LDB2: variants seen among roughly 807,000 people sequenced by gnomAD.
LDB2 encodes the protein LIM domain binding 2, also known as LIM domain-binding protein 2.
A neutral mutation model predicts 44.3 loss-of-function variants in LDB2; 12 were observed. The ratio of observed to expected loss-of-function variants is 0.27; its 90% CI spans 0.17 to 0.44. The LOEUF (loss-of-function observed/expected upper bound fraction) is 0.44, where lower values mean the gene tolerates loss of function less well. Among genes scored for constraint, LDB2 ranks in the 20% least tolerant of loss-of-function variants. The probability of loss-of-function intolerance (pLI) is 1.00; values close to 1 mark genes in which losing one functional copy is unlikely to be tolerated. For missense variants in LDB2, 344 were observed against 473.5 expected (o/e 0.73, Z 2.54); for synonymous variants, 164 against 174.8 (o/e 0.94, Z 0.49).
chr4:16,570,499 A>AAAAAAAAAAAAAAAAAAAAAAAAAAC (rs1746111707), intron 5 of LDB2, among the ~76,000 whole-genome samples: 1 of 144,108 alleles, frequency 6.9e-6, no homozygotes, highest in Non-Finnish European at 1.5e-5. Context: ...AAAAAAAAAA[A>AAAAAAAAAAAAAAAAAAAAAAAAAAC]AAAAAGTTTA....
intron 1 of LDB2, among the ~76,000 whole-genome samples, chr4:16,844,928 A>G: frequency 6.6e-6 from 1 of 152,222 alleles, no homozygotes; most frequent in Admixed American, 6.5e-5. Flanking sequence ...CAAGAGGGAA[A>G]ACTACATCAT....
intron 1 of LDB2, among the ~76,000 whole-genome samples, chr4:16,835,224 A>G (rs1358480504): frequency 6.6e-6 from 1 of 152,196 alleles, no homozygotes; most frequent in African/African-American, 2.4e-5. Context: ...CCGTATAACC[A>G]CTAATCTTAC....
At chr4:16,518,459 C>T (rs535971756) in intron 5 of LDB2, among the ~76,000 whole-genome samples, 6 of 151,540 alleles carry the variant, frequency 4.0e-5, no homozygotes, top group East Asian at 1.9e-4. Context: ...TAGGTCAACG[C>T]GTTGCTCAGA....
At chr4:16,587,267 G>A (rs1257476527) in intron 4 of LDB2, among the ~76,000 whole-genome samples, 1 of 152,154 alleles carries the variant, frequency 6.6e-6, no homozygotes, top group African/African-American at 2.4e-5. Flanking sequence ...TATGTGCCAG[G>A]CATTGTTCTA....
chr4:16,733,919 T>C (rs1177463843), intron 2 of LDB2, among the ~76,000 whole-genome samples: 2 of 152,204 alleles, frequency 1.3e-5, no homozygotes, highest in African/African-American at 2.4e-5. Flanking sequence ...GTAACAGATA[T>C]AATAAATAAA....
intron 1 of LDB2, among the ~76,000 whole-genome samples, chr4:16,818,104 G>A (rs1781279335): frequency 6.6e-6 from 1 of 152,152 alleles, no homozygotes; most frequent in Admixed American, 6.5e-5. Flanking sequence ...CAGTCCTTGA[G>A]ACTCTCCACA....
intron 1 of LDB2, among the ~76,000 whole-genome samples, chr4:16,874,077 C>T (rs1046288258): frequency 2.6e-5 from 4 of 151,998 alleles, no homozygotes; most frequent in Non-Finnish European, 5.9e-5. Context: ...GTTACTTCTG[C>T]TTTTTGACTG....
intron 1 of LDB2, among the ~76,000 whole-genome samples, chr4:16,865,398 A>C (rs78563941): frequency 0.015 from 2,312 of 152,258 alleles, 56 homozygotes; most frequent in African/African-American, 0.053. Flanking sequence ...AGGAAAAATA[A>C]GCATGGGAAC....
chr4:16,821,847 G>A (rs1195126536), intron 1 of LDB2, among the ~76,000 whole-genome samples: 1 of 150,072 alleles, frequency 6.7e-6, no homozygotes, highest in Non-Finnish European at 1.5e-5. Flanking sequence ...TGAAACTAGT[G>A]GCCTCTATGA....
At position 16,504,168 on chromosome 4, in the gene LDB2, G is replaced by A. The variant is rs565607440; in HGVS notation, c.892-1295C>T. Among the ~76,000 whole-genome samples the A allele has an allele frequency of 3.3e-5, 5 of 152,116 alleles. No individual in the cohort carries two copies. In the South Asian group the frequency reaches 6.2e-4, roughly 19 times the overall value. On this transcript the variant is annotated intron_variant, in intron 7 of 7. Transcript: ENST00000304523. ...ATTCAATAAAATATTTTGACAACTG[G>A]GCAGAAATTCATTTTACTAGAGCTT...
intron 1 of LDB2, among the ~76,000 whole-genome samples, chr4:16,832,998 TCATA>T (rs1268067029): frequency 6.6e-6 from 1 of 152,234 alleles, no homozygotes; most frequent in Non-Finnish European, 1.5e-5. Flanking sequence ...CCTATTTTAC[TCATA>T]AGGAAACAAA....
intron 2 of LDB2, among the ~76,000 whole-genome samples, chr4:16,600,557 G>A (rs1722302556): frequency 6.6e-6 from 1 of 152,276 alleles, no homozygotes; most frequent in Non-Finnish European, 1.5e-5. Flanking sequence ...TTCAGGTGTT[G>A]AAATGTGTAT....
At chr4:16,879,489 T>C (rs1383119632) in intron 1 of LDB2, among the ~76,000 whole-genome samples, 1 of 152,216 alleles carries the variant, frequency 6.6e-6, no homozygotes, top group Non-Finnish European at 1.5e-5. Context: ...TATAGAAGGC[T>C]TGAATAGAAC....
intron 5 of LDB2, among the ~76,000 whole-genome samples, chr4:16,560,768 A>G (rs193277224): frequency 3.0e-4 from 46 of 152,338 alleles, no homozygotes; most frequent in African/African-American, 1.1e-3. Flanking sequence ...CAACCAAAAA[A>G]GAGAATTTTA....
At chr4:16,800,480 CAT>C (rs1777580567) in intron 1 of LDB2, among the ~76,000 whole-genome samples, 1 of 152,202 alleles carries the variant, frequency 6.6e-6, no homozygotes, top group African/African-American at 2.4e-5. Context: ...AAATATTTGA[CAT>C]GTGTTCATTT....
At chr4:16,862,047 G>A (rs1458428407) in intron 1 of LDB2, among the ~76,000 whole-genome samples, 3 of 152,086 alleles carry the variant, frequency 2.0e-5, no homozygotes, top group Non-Finnish European at 1.5e-5. Context: ...ACAAGGTTGT[G>A]AGAAATAAAG....
intron 2 of LDB2, among the ~76,000 whole-genome samples, chr4:16,677,097 C>T (rs969879681): frequency 6.6e-6 from 1 of 152,124 alleles, no homozygotes; most frequent in Non-Finnish European, 1.5e-5. Context: ...GAGAGAATAG[C>T]GCCTATGTGT....
At chr4:16,829,099 T>C (rs184525722) in intron 1 of LDB2, among the ~76,000 whole-genome samples, 1 of 152,312 alleles carries the variant, frequency 6.6e-6, no homozygotes. Context: ...ATTGCTTCCT[T>C]ACTCATGCTA....
chr4:16,763,439 TACACACACACACACACAC>T (rs56114847), intron 1 of LDB2, among the ~76,000 whole-genome samples: 5 of 141,092 alleles, frequency 3.5e-5, no homozygotes, highest in Admixed American at 2.2e-4. Context: ...TGTAAACACG[TACACACACACACACACAC>T]ACACACACAC....
Sources: gnomAD v4.1 joint callset for allele counts (sites outside exome capture counted in the v4.1 genomes callset) on GRCh38, gnomAD v4.1.1 for gene constraint, MANE v1.5 for transcripts, NCBI Gene and HGNC (gene_info 2026-07-23, HGNC 2026-07-21) for gene names.